The following ABLIM1 variants were observed in gnomAD, a reference collection of about 807,000 sequenced individuals.
ABLIM1 encodes the protein actin-binding LIM protein 1.
A neutral mutation model predicts 107.0 loss-of-function variants in ABLIM1; 40 were observed. The ratio of observed to expected loss-of-function variants is 0.37; its 90% CI spans 0.29 to 0.49. ABLIM1 has a LOEUF of 0.49. Among genes scored for constraint, ABLIM1 ranks in the 20% least tolerant of loss-of-function variants. ABLIM1 has a pLI of 0.97. For synonymous variants in ABLIM1, 357 were observed against 357.3 expected (o/e 1.00, Z 0.01); for missense variants, 857 against 1,008.5 (o/e 0.85, Z 2.04).
intron 4 of ABLIM1, among the ~76,000 whole-genome samples, chr10:114,559,345 G>A (rs2069270656): frequency 6.9e-6 from 1 of 143,950 alleles, no homozygotes; most frequent in South Asian, 2.3e-4. Flanking sequence ...GCACATGCCT[G>A]TAATCCCAGC....
chr10:114,577,640 C>T (rs1330049989), intron 2 of ABLIM1, among the ~76,000 whole-genome samples: 1 of 152,130 alleles, frequency 6.6e-6, no homozygotes, highest in Admixed American at 6.5e-5. Flanking sequence ...TTAATAAAGT[C>T]CTAGTTTCTG....
At chr10:114,684,836 C>T in exon 1 of ABLIM1, 1 of 616,692 alleles carries the variant, frequency 1.6e-6, no homozygotes, top group Non-Finnish European at 2.0e-6. Flanking sequence ...CAGCCTTCTG[C>T]CTCCTCTTTT....
upstream of ABLIM1, chr10:114,658,334 G>A (rs1309381827): frequency 2.0e-6 from 3 of 1,473,564 alleles, no homozygotes; most frequent in Non-Finnish European, 2.7e-6. Flanking sequence ...GATTAAGGGA[G>A]ATGTATTTAA....
At chr10:114,527,267 A>G (rs772443233) in intron 6 of ABLIM1, among the ~76,000 whole-genome samples, 12 of 152,210 alleles carry the variant, frequency 7.9e-5, no homozygotes, top group Non-Finnish European at 1.2e-4. Flanking sequence ...GCAAAAGTAT[A>G]ACAAAACTGA....
chr10:114,447,044 C>A (rs2061118072), intron 15 of ABLIM1, among the ~76,000 whole-genome samples: 1 of 152,120 alleles, frequency 6.6e-6, no homozygotes, highest in African/African-American at 2.4e-5. Flanking sequence ...TTAAAAATAG[C>A]ACAATGAAGA....
intron 12 of ABLIM1, among the ~76,000 whole-genome samples, chr10:114,463,761 C>T (rs72826966): frequency 0.085 from 12,994 of 152,006 alleles, 698 homozygotes; most frequent in Non-Finnish European, 0.13. Context: ...CAACCCAGAC[C>T]GAGGGGGTTT....
chr10:114,465,507 G>C (rs1263879763), intron 12 of ABLIM1, 191 bp downstream of exon 12: 19 of 577,338 alleles, frequency 3.3e-5, no homozygotes, highest in Non-Finnish European at 4.9e-5. Flanking sequence ...AATGAACACA[G>C]GCTTAGGATG....
chr10:114,581,001 A>T (rs2073303850), intron 2 of ABLIM1, among the ~76,000 whole-genome samples: 1 of 152,188 alleles, frequency 6.6e-6, no homozygotes, highest in African/African-American at 2.4e-5. Context: ...GTGCCAACTA[A>T]ATCCTGCCCT....
chr10:114,756,833 G>T (rs12763784), intron 1 of ABLIM1, among the ~76,000 whole-genome samples: 56,985 of 151,964 alleles, frequency 0.37, 11,879 homozygotes, highest in Non-Finnish European at 0.47. Flanking sequence ...GGATGCACTG[G>T]TATCCTTCCT....
At chr10:114,453,535 A>C in intron 12 of ABLIM1, 52 bp from the exon 13 acceptor site, 2 of 1,397,832 alleles carry the variant, frequency 1.4e-6, no homozygotes, top group Non-Finnish European at 9.6e-7. Flanking sequence ...GAGAGAAACA[A>C]AGAAAACAAA....
intron 10 of ABLIM1, among the ~76,000 whole-genome samples, chr10:114,469,560 A>G (rs1212949611): frequency 6.6e-6 from 1 of 152,218 alleles, no homozygotes; most frequent in East Asian, 1.9e-4. Flanking sequence ...CTCCGTGACC[A>G]TTCTGTCCAG....
chr10:114,566,014 C>T (rs1591263220), intron 4 of ABLIM1, among the ~76,000 whole-genome samples: 1 of 152,194 alleles, frequency 6.6e-6, no homozygotes, highest in South Asian at 2.1e-4. Context: ...CCAGGATGGT[C>T]TCTATCTCCT....
intron 1 of ABLIM1, among the ~76,000 whole-genome samples, chr10:114,653,073 G>A (rs1171897436): frequency 6.6e-6 from 1 of 152,198 alleles, no homozygotes; most frequent in East Asian, 1.9e-4. Context: ...GTGACATCAT[G>A]GTTGAGACCA....
At chr10:114,686,199 G>C (rs1226034135), upstream of ABLIM1, among the ~76,000 whole-genome samples, 3 of 152,056 alleles carry the variant, frequency 2.0e-5, no homozygotes, top group African/African-American at 7.2e-5. Flanking sequence ...CCACAATTTG[G>C]TTGATGATTT....
chr10:114,680,406 T>C (rs1448908582), intron 1 of ABLIM1, among the ~76,000 whole-genome samples: 1 of 152,246 alleles, frequency 6.6e-6, no homozygotes, highest in Admixed American at 6.5e-5. Flanking sequence ...CAGTGCATCA[T>C]GCTCAAAAGG....
At chr10:114,525,968 T>C (rs1180771042) in intron 6 of ABLIM1, among the ~76,000 whole-genome samples, 1 of 152,212 alleles carries the variant, frequency 6.6e-6, no homozygotes, top group Non-Finnish European at 1.5e-5. Flanking sequence ...TACAGTATGA[T>C]TCGATTAATA....
intron 2 of ABLIM1, among the ~76,000 whole-genome samples, chr10:114,590,028 T>C (rs1259538281): frequency 6.6e-6 from 1 of 152,180 alleles, no homozygotes; most frequent in Non-Finnish European, 1.5e-5. Context: ...TTTTATACCG[T>C]ATTTTTACTA....
At chr10:114,665,549 C>G (rs1203906467) in intron 1 of ABLIM1, among the ~76,000 whole-genome samples, 1 of 152,200 alleles carries the variant, frequency 6.6e-6, no homozygotes, top group Non-Finnish European at 1.5e-5. Context: ...ATAAACAACT[C>G]TATTTAGAGA....
chr10:114,735,304 G>A (rs1220159737), intron 1 of ABLIM1, among the ~76,000 whole-genome samples: 5 of 152,174 alleles, frequency 3.3e-5, no homozygotes, highest in Non-Finnish European at 5.9e-5. Context: ...TTATTTTGTA[G>A]CACAATCGAG....
Sources: allele counts gnomAD v4.1 joint callset (sites outside exome capture counted in the v4.1 genomes callset), GRCh38; gene constraint gnomAD v4.1.1; transcripts MANE v1.5; gene names NCBI Gene and HGNC (gene_info 2026-07-23, HGNC 2026-07-21).